The following INTS3 variants were observed in gnomAD, a reference collection of about 807,000 sequenced individuals.
INTS3 encodes integrator complex subunit 3, also known as SOSS complex subunit A.
INTS3 carries 34 observed loss-of-function variants against 146.3 expected under a neutral mutation model. That is an observed-to-expected ratio of 0.23 (90% CI 0.18 to 0.31). The LOEUF (loss-of-function observed/expected upper bound fraction) is 0.31, where lower values mean the gene tolerates loss of function less well. Ranked by LOEUF, INTS3 falls within the 10% of genes least tolerant of loss-of-function variation. INTS3 has a pLI of 1.00. For synonymous variants in INTS3, 475 were observed against 494.9 expected (o/e 0.96, Z 0.53); for missense variants, 757 against 1,304.2 (o/e 0.58, Z 6.46).
chr1:153,734,473 T>C (rs576173046), intron 1 of INTS3, among the ~76,000 whole-genome samples: 8 of 152,224 alleles, frequency 5.3e-5, no homozygotes, highest in Non-Finnish European at 8.8e-5. Flanking sequence ...ATTGCAGTTA[T>C]CCACCCATCC....
chr1:153,768,802 A>T, intron 21 of INTS3, 91 bp from the exon 22 acceptor site: 4 of 1,003,586 alleles, frequency 4.0e-6, no homozygotes, highest in Non-Finnish European at 6.3e-6. Context: ...GACCCAGTCA[A>T]ACCTTGAGAT....
chr1:153,763,178 T>C, intron 15 of INTS3, 55 bp from the exon 16 acceptor site: 1 of 1,611,674 alleles, frequency 6.2e-7, no homozygotes, highest in African/African-American at 1.3e-5. Context: ...GAGGGGACTG[T>C]CTCTGTTGCT....
chr1:153,745,730 C>T (rs1557994386), intron 3 of INTS3, among the ~76,000 whole-genome samples: 1 of 151,886 alleles, frequency 6.6e-6, no homozygotes, highest in African/African-American at 2.4e-5. Flanking sequence ...TCCCTTACCT[C>T]CCCCAGGATT....
At chr1:153,769,696 C>T (rs567412274) in intron 22 of INTS3, 73 bp from the exon 23 acceptor site, 17 of 970,710 alleles carry the variant, frequency 1.8e-5, no homozygotes, top group South Asian at 1.6e-4. Flanking sequence ...AGCCCTCCTG[C>T]GTCCCCCTCC....
chr1:153,734,250 A>G (rs938408347), intron 1 of INTS3, among the ~76,000 whole-genome samples: 4 of 152,350 alleles, frequency 2.6e-5, no homozygotes, highest in African/African-American at 9.6e-5. Context: ...TCTGGAGACT[A>G]GGGGAAAAGC....
intron 3 of INTS3, among the ~76,000 whole-genome samples, chr1:153,744,373 T>A (rs1671650501): frequency 6.6e-6 from 1 of 152,310 alleles, no homozygotes; most frequent in Non-Finnish European, 1.5e-5. Context: ...TGACACAGAT[T>A]TTCCCTCTGC....
rs368639699 is a variant in INTS3 at position 153,762,837 on chromosome 1, C to A, written c.1626C>A (p.Leu542=). 11 of 1,613,940 alleles carry A rather than the reference C, an allele frequency of 6.8e-6. No individual in the cohort carries two copies. Among genetic ancestry groups the A allele is most frequent in the Non-Finnish European group, 8.5e-6 (10 of 1,180,030 alleles). ...EAAFSDDEED[L]NSKGKKREFR... Reference sequence around the variant, plus strand: ...CCTTCAGTGACGATGAAGAGGATCTCAACAGCAAAGGTGAGGCCATCAGCA... The same window carrying A: ...CCTTCAGTGACGATGAAGAGGATCTAAACAGCAAAGGTGAGGCCATCAGCA... Residue 542 remains leucine, a synonymous_variant, in exon 15 of 30, where the codon CTC becomes CTA. Coordinates refer to ENST00000318967, the MANE Select transcript of INTS3 (RefSeq NM_023015.5).
Position 153,741,354 on chromosome 1 carries a change from G to C in INTS3, c.304G>C (p.Ala102Pro). The C allele has an allele frequency of 1.2e-6, 2 of 1,613,544 alleles. No homozygotes were observed. Among genetic ancestry groups the C allele is most frequent in the Non-Finnish European group, 1.7e-6 (2 of 1,179,530 alleles). ...GLFTLILTEP[A>P]QAQKCYRDLA... ...GTTTACTCTCATCCTCACTGAACCT[G>C]CCCAAGCCCAGAAGGTAAGGCACCC... The change falls in exon 3 of 30, where the codon GCC becomes CCC. Residue 102 changes from alanine (A) to proline (P), a missense_variant. By Grantham distance (27) the Ala-to-Pro change is conservative (BLOSUM62 -1). Transcript: ENST00000318967.
intron 7 of INTS3, chr1:153,752,001 AAC>A: frequency 2.4e-6 from 1 of 415,832 alleles, no homozygotes; most frequent in Non-Finnish European, 4.3e-6. Flanking sequence ...ACTGGATTGA[AAC>A]AGTTCTGAGT....
intron 1 of INTS3, among the ~76,000 whole-genome samples, chr1:153,734,032 CT>C (rs1386520290): frequency 1.3e-5 from 2 of 152,164 alleles, no homozygotes; most frequent in African/African-American, 4.8e-5. Context: ...CCTTCCCCCC[CT>C]TTCTCCCCCA....
chr1:153,756,926 G>C (rs1672184212), intron 9 of INTS3, among the ~76,000 whole-genome samples: 2 of 152,218 alleles, frequency 1.3e-5, no homozygotes, highest in East Asian at 3.8e-4. Context: ...TGTTGGTCTG[G>C]AAGTATCTTT....
chr1:153,733,344 C>T (rs1277662071), intron 1 of INTS3, among the ~76,000 whole-genome samples: 1 of 149,978 alleles, frequency 6.7e-6, no homozygotes. Flanking sequence ...TCCCAAGTAG[C>T]TGGGACTGCA....
intron 6 of INTS3, among the ~76,000 whole-genome samples, chr1:153,749,985 C>T (rs1220723298): frequency 6.6e-6 from 1 of 152,220 alleles, no homozygotes; most frequent in Non-Finnish European, 1.5e-5. Flanking sequence ...AAATTTAAAA[C>T]TGTGTCCTCT....
Position 153,754,686 on chromosome 1 carries a change from G to A in INTS3, c.904G>A (p.Ala302Thr), listed in dbSNP as rs1378881895. ...LQSRTSRKFL[A>T]CRLTPDMETK... Reference sequence around the variant, plus strand: ...GTCAAGAACATCCCGAAAATTCCTAGCATGTCGTCTAACCCCGGACATGGA... The same window carrying A: ...GTCAAGAACATCCCGAAAATTCCTAACATGTCGTCTAACCCCGGACATGGA... Residue 302 changes from alanine (A) to threonine (T), a missense_variant, in exon 9 of 30, where the codon GCA becomes ACA. Ala to Thr is a moderately conservative substitution (Grantham distance 58). This residue lies in a region of INTS3 where 134 missense variants were observed against 243.1 expected (regional missense o/e 0.55). Transcript: ENST00000318967. 1.9e-6 allele frequency: 3 copies of A among 1,613,604 alleles called. No individual in the cohort carries two copies. The highest frequency in any genetic ancestry group is 2.5e-6 in the Non-Finnish European group (3 of 1,179,644).
intron 9 of INTS3, 80 bp downstream of exon 9, chr1:153,754,819 T>A: frequency 1.1e-6 from 1 of 900,960 alleles, no homozygotes; most frequent in South Asian, 1.3e-5. Flanking sequence ...CTGTTACCAT[T>A]GTTTACTAAC....
intron 1 of INTS3, among the ~76,000 whole-genome samples, chr1:153,738,938 G>T (rs1161980218): frequency 6.7e-6 from 1 of 148,226 alleles, no homozygotes; most frequent in South Asian, 2.1e-4. Context: ...TTGTCATCCA[G>T]ACTGGAGTGC....
intron 25 of INTS3, 145 bp from the exon 26 acceptor site, chr1:153,771,651 A>G: frequency 1.4e-6 from 1 of 738,824 alleles, no homozygotes. Flanking sequence ...GAAACCAGGC[A>G]TTCCTTGGCC....
chr1:153,771,052 C>T (rs1672838015), intron 25 of INTS3, among the ~76,000 whole-genome samples: 1 of 152,050 alleles, frequency 6.6e-6, no homozygotes, highest in Non-Finnish European at 1.5e-5. Context: ...CCCCACCGCC[C>T]CATGCTCCTG....
intron 8 of INTS3, 98 bp downstream of exon 8, chr1:153,752,506 C>A: frequency 7.9e-7 from 1 of 1,272,560 alleles, no homozygotes; most frequent in South Asian, 1.5e-5. Flanking sequence ...GTAGGAGAGT[C>A]TTTGGTGGTC....
Sources: gnomAD v4.1 joint callset for allele counts (sites outside exome capture counted in the v4.1 genomes callset) on GRCh38, gnomAD v4.1.1 for gene constraint, gnomAD v4.1.1 regional missense constraint, MANE v1.5 for transcripts, NCBI Gene and HGNC (gene_info 2026-07-23, HGNC 2026-07-21) for gene names.